Variants in NPFFR2 observed in about 807,000 individuals in gnomAD.
NPFFR2 encodes G-protein coupled receptor 74.
Under a neutral mutation model 13.1 loss-of-function variants are expected in NPFFR2, and 15 were observed. The observed-to-expected ratio is 1.15, with a 90% confidence interval of 0.77 to 1.76. NPFFR2 has a LOEUF of 1.76. Among genes scored for constraint, NPFFR2 ranks in the 40% most tolerant of loss-of-function variants. NPFFR2 has a pLI of 0.00. For synonymous variants in NPFFR2, 190 were observed against 175.7 expected (o/e 1.08, Z -0.65); for missense variants, 572 against 503.5 (o/e 1.14, Z -1.30).
At chr4:72,102,941 C>T (rs540852137) in intron 1 of NPFFR2, among the ~76,000 whole-genome samples, 3 of 152,078 alleles carry the variant, frequency 2.0e-5, no homozygotes, top group South Asian at 2.1e-4. Flanking sequence ...CCTGAGGAAT[C>T]GCCACACTGA....
chr4:72,145,369 ATTAC>A (rs1016354555), intron 3 of NPFFR2, among the ~76,000 whole-genome samples: 102 of 150,814 alleles, frequency 6.8e-4, no homozygotes, highest in Non-Finnish European at 1.0e-3. Flanking sequence ...TTTGTTCATT[ATTAC>A]TTTTATTGTT....
chr4:72,062,533 A>C (rs1452106476), intron 1 of NPFFR2, among the ~76,000 whole-genome samples: 1 of 152,116 alleles, frequency 6.6e-6, no homozygotes, highest in Non-Finnish European at 1.5e-5. Context: ...AAAAAAAAAA[A>C]AAAAGAAGTC....
intron 1 of NPFFR2, among the ~76,000 whole-genome samples, chr4:72,079,292 T>C (rs1321824592): frequency 2.0e-5 from 3 of 152,204 alleles, no homozygotes; most frequent in Non-Finnish European, 4.4e-5. Context: ...TATAAATGGT[T>C]TGATCTTCGT....
At chr4:72,064,384 A>G (rs1223653989) in intron 1 of NPFFR2, among the ~76,000 whole-genome samples, 1 of 152,008 alleles carries the variant, frequency 6.6e-6, no homozygotes, top group Non-Finnish European at 1.5e-5. Flanking sequence ...GCCTGAGGCC[A>G]CCCTCAGTTC....
intron 1 of NPFFR2, among the ~76,000 whole-genome samples, chr4:72,053,155 T>A (rs1719640333): frequency 6.6e-6 from 1 of 151,894 alleles, no homozygotes; most frequent in African/African-American, 2.4e-5. Flanking sequence ...AATAAGTCTC[T>A]TCATATATTT....
chr4:72,057,085 T>C (rs2109770964), intron 1 of NPFFR2, among the ~76,000 whole-genome samples: 1 of 152,094 alleles, frequency 6.6e-6, no homozygotes. Flanking sequence ...AATATATTGG[T>C]TCATACTGAA....
chr4:72,100,541 G>T (rs1721210341), intron 1 of NPFFR2, among the ~76,000 whole-genome samples: 1 of 151,730 alleles, frequency 6.6e-6, no homozygotes, highest in East Asian at 1.9e-4. Flanking sequence ...ATAATAATTG[G>T]ATATTCTTAT....
At chr4:72,063,451 A>T (rs1337702910) in intron 1 of NPFFR2, among the ~76,000 whole-genome samples, 1 of 152,216 alleles carries the variant, frequency 6.6e-6, no homozygotes. Context: ...TCAGCTTCTA[A>T]AGAAATGGTT....
At chr4:72,043,111 T>C (rs1054942063) in intron 1 of NPFFR2, among the ~76,000 whole-genome samples, 1 of 152,166 alleles carries the variant, frequency 6.6e-6, no homozygotes, top group Non-Finnish European at 1.5e-5. Context: ...TTCGGGCCAT[T>C]GCAATTCCCA....
chr4:72,101,277 GC>G (rs1216020233), intron 1 of NPFFR2, among the ~76,000 whole-genome samples: 1 of 151,834 alleles, frequency 6.6e-6, no homozygotes, highest in Non-Finnish European at 1.5e-5. Context: ...ATATTCCTAT[GC>G]CTATCCAATC....
chr4:72,098,985 A>G (rs1057211072), intron 1 of NPFFR2, among the ~76,000 whole-genome samples: 14 of 152,210 alleles, frequency 9.2e-5, no homozygotes, highest in East Asian at 5.8e-4. Context: ...GCACTGTGGT[A>G]TGCAGCATAC....
At chr4:72,084,988 G>A (rs1720725789) in intron 1 of NPFFR2, among the ~76,000 whole-genome samples, 1 of 151,788 alleles carries the variant, frequency 6.6e-6, no homozygotes. Context: ...GCATTAGGTG[G>A]AATCCAAAAA....
At chr4:72,084,613 G>A (rs28562535) in intron 1 of NPFFR2, among the ~76,000 whole-genome samples, 3,988 of 152,128 alleles carry the variant, frequency 0.026, 145 homozygotes, top group African/African-American at 0.079. Context: ...TTCAGCCCAC[G>A]TCTGATTTCA....
chr4:72,070,142 T>A (rs186923286), intron 1 of NPFFR2, among the ~76,000 whole-genome samples: 2 of 152,310 alleles, frequency 1.3e-5, no homozygotes, highest in Non-Finnish European at 2.9e-5. Context: ...CCCTAGCAGA[T>A]TGACCCTAGA....
At chr4:72,130,364 A>AT in intron 2 of NPFFR2, among the ~76,000 whole-genome samples, 1 of 152,082 alleles carries the variant, frequency 6.6e-6, no homozygotes, top group Non-Finnish European at 1.5e-5. Context: ...AGCTAGAGAG[A>AT]TTTCCAACAG....
chr4:72,123,285 C>T (rs181426653), intron 1 of NPFFR2, among the ~76,000 whole-genome samples: 1 of 152,134 alleles, frequency 6.6e-6, no homozygotes, highest in Non-Finnish European at 1.5e-5. Flanking sequence ...AGCCTAACAA[C>T]CAAAAAAAGC....
chr4:72,094,401 G>A (rs531943656), intron 1 of NPFFR2, among the ~76,000 whole-genome samples: 1 of 152,168 alleles, frequency 6.6e-6, no homozygotes, highest in African/African-American at 2.4e-5. Flanking sequence ...GCGGTGTGTG[G>A]GGCCATGGAG....
intron 1 of NPFFR2, among the ~76,000 whole-genome samples, chr4:72,047,589 C>T (rs1295956475): frequency 6.6e-6 from 1 of 152,306 alleles, no homozygotes; most frequent in East Asian, 1.9e-4. Context: ...TTTCCCAAAT[C>T]ACAGAACTCA....
chr4:72,113,364 G>A (rs1721619184), intron 1 of NPFFR2, among the ~76,000 whole-genome samples: 1 of 152,012 alleles, frequency 6.6e-6, no homozygotes, highest in Non-Finnish European at 1.5e-5. Flanking sequence ...GCACTAGCCA[G>A]GGGATAGAAA....
Sources: allele counts gnomAD v4.1 joint callset (sites outside exome capture counted in the v4.1 genomes callset), GRCh38; gene constraint gnomAD v4.1.1; transcripts MANE v1.5; gene names NCBI Gene and HGNC (gene_info 2026-07-23, HGNC 2026-07-21).